POLB: variants seen among roughly 807,000 people sequenced by gnomAD.
The protein encoded by POLB is 5'-dRP lyase.
A neutral mutation model predicts 52.7 loss-of-function variants in POLB; 37 were observed. The observed-to-expected ratio is 0.70, with a 90% CI of 0.54 to 0.92. The LOEUF (loss-of-function observed/expected upper bound fraction) is 0.92, where lower values mean the gene tolerates loss of function less well. Ranked by LOEUF, POLB falls within the 40% of genes least tolerant of loss-of-function variation. POLB has a pLI of 0.00. For missense variants in POLB, 313 were observed against 400.8 expected, an observed-to-expected ratio of 0.78 and a Z score of 1.87; for synonymous variants, 138 against 131.3, an observed-to-expected ratio of 1.05 and a Z score of -0.35.
chr8:42,369,385 C>A, intron 12 of POLB, 50 bp downstream of exon 12: 4 of 1,032,292 alleles, frequency 3.9e-6, no homozygotes, highest in Non-Finnish European at 6.1e-6. Flanking sequence ...AAACTTGTCT[C>A]GTTTTCTCCC....
At chr8:42,360,166 A>T (rs895413367) in intron 9 of POLB, among the ~76,000 whole-genome samples, 2 of 150,852 alleles carry the variant, frequency 1.3e-5, no homozygotes. Context: ...CATGTTGGCC[A>T]GGCTGGTCTT....
intron 3 of POLB, among the ~76,000 whole-genome samples, chr8:42,348,188 T>C (rs1231949741): frequency 6.6e-6 from 1 of 152,170 alleles, no homozygotes; most frequent in Non-Finnish European, 1.5e-5. Flanking sequence ...AGGAAGGTAA[T>C]AGAGATATGT....
chr8:42,350,226 C>T (rs1822891743), intron 5 of POLB, among the ~76,000 whole-genome samples, 161 bp downstream of exon 5: 1 of 152,174 alleles, frequency 6.6e-6, no homozygotes, highest in South Asian at 2.1e-4. Flanking sequence ...GCCGATTCTT[C>T]AGATAGTGTC....
intron 9 of POLB, among the ~76,000 whole-genome samples, chr8:42,358,391 C>A (rs1027478183): frequency 2.6e-5 from 4 of 151,792 alleles, no homozygotes; most frequent in African/African-American, 9.7e-5. Flanking sequence ...AGTCCCAGCT[C>A]CTCGGGCGGC....
At chr8:42,341,614 A>G (rs187498241) in intron 2 of POLB, among the ~76,000 whole-genome samples, 3 of 152,328 alleles carry the variant, frequency 2.0e-5, no homozygotes, top group South Asian at 2.1e-4. Context: ...GGTGTATCCA[A>G]TCTGTCACCA....
intron 2 of POLB, among the ~76,000 whole-genome samples, chr8:42,343,810 A>T (rs1198510492): frequency 3.9e-5 from 6 of 152,136 alleles, no homozygotes; most frequent in Non-Finnish European, 8.8e-5. Flanking sequence ...AGTTATTCTC[A>T]AATGTGGAGC....
chr8:42,349,993 T>C lies in POLB; in HGVS notation c.262-14T>C. 1 of 1,586,128 alleles carries C rather than the reference T, an allele frequency of 6.3e-7. No homozygotes were observed. Among genetic ancestry groups the C allele is most frequent in the Non-Finnish European group, 8.7e-7 (1 of 1,154,870 alleles). ...CATTCCTAAATCATTGTTAGACTTTTTTTTTTCTTAAAGATTCGGCAGGAT... is the reference window on the plus strand; with the variant it reads ...CATTCCTAAATCATTGTTAGACTTTCTTTTTTCTTAAAGATTCGGCAGGAT... On this transcript the variant is annotated splice_polypyrimidine_tract_variant and intron_variant, in intron 4 of 13. Transcript: ENST00000265421.
intron 5 of POLB, among the ~76,000 whole-genome samples, chr8:42,352,263 A>G (rs1823022157): frequency 6.6e-6 from 1 of 152,224 alleles, no homozygotes; most frequent in Non-Finnish European, 1.5e-5. Flanking sequence ...ACAGTTTTCA[A>G]GTGCCATCTG....
chr8:42,369,246 A>G lies in POLB; in HGVS notation c.709-25A>G, dbSNP rs751255716. ...AGCCTTAAGTTTAGAACATCTTTAA[A>G]CTTGGTTTAAAATGTTCATTTTAGG... On this transcript the variant is annotated intron_variant, in intron 11 of 13. Coordinates refer to ENST00000265421, the MANE Select transcript of POLB (RefSeq NM_002690.3). 4 of 1,424,038 alleles carry G rather than the reference A, an allele frequency of 2.8e-6. No individual in the cohort carries two copies. The Admixed American group carries it at 7.0e-5, about 25-fold the overall frequency. The allele number at this position is 1,424,038 out of a possible 1,614,324, so 88.2% of individuals were successfully genotyped here.
intron 1 of POLB, 100 bp from the exon 2 acceptor site, chr8:42,338,912 G>T: frequency 1.8e-6 from 2 of 1,085,094 alleles, no homozygotes; most frequent in South Asian, 1.3e-5. Context: ...GGAAACGGGT[G>T]GTCACTGTCT....
chr8:42,353,405 GC>G (rs1016741128), intron 6 of POLB, among the ~76,000 whole-genome samples: 1 of 151,578 alleles, frequency 6.6e-6, no homozygotes, highest in Non-Finnish European at 1.5e-5. Context: ...ACCGCGCCTG[GC>G]CCCCTTTATT....
intron 2 of POLB, among the ~76,000 whole-genome samples, chr8:42,343,601 C>G (rs947669761): frequency 2.3e-5 from 3 of 132,316 alleles, no homozygotes; most frequent in Non-Finnish European, 3.3e-5. Flanking sequence ...AAGTTATGAA[C>G]AATTTCTAAA....
At chr8:42,361,204 T>G in intron 9 of POLB, 91 bp from the exon 10 acceptor site, 1 of 849,876 alleles carries the variant, frequency 1.2e-6, no homozygotes, top group South Asian at 1.4e-5. Context: ...CTGTAAGAAG[T>G]AAGGCTCTTC....
intron 4 of POLB, chr8:42,349,321 T>C: frequency 2.8e-6 from 1 of 357,892 alleles, no homozygotes. Flanking sequence ...CTCATCGTTT[T>C]CAGTACTATT....
At chr8:42,364,202 C>A (rs1475254254) in intron 11 of POLB, among the ~76,000 whole-genome samples, 1 of 152,106 alleles carries the variant, frequency 6.6e-6, no homozygotes, top group Non-Finnish European at 1.5e-5. Flanking sequence ...ACTGGGATTG[C>A]AGGCATGAAC....
intron 2 of POLB, chr8:42,339,947 A>G (rs983932139): frequency 6.6e-6 from 1 of 152,174 alleles, no homozygotes; most frequent in African/African-American, 2.4e-5. Context: ...CCCTCTAGCT[A>G]GCACCTTCCC....
At chr8:42,356,849 G>C (rs1279845568) in intron 7 of POLB, among the ~76,000 whole-genome samples, 1 of 152,136 alleles carries the variant, frequency 6.6e-6, no homozygotes, top group Admixed American at 6.5e-5. Context: ...AGTTTACTTT[G>C]AAAATAATGC....
At chr8:42,340,914 T>C (rs1822161899) in intron 2 of POLB, among the ~76,000 whole-genome samples, 2 of 152,198 alleles carry the variant, frequency 1.3e-5, no homozygotes, top group African/African-American at 4.8e-5. Flanking sequence ...ACAGCAGGTC[T>C]CAGAAAGGAG....
chr8:42,354,486 G>A (rs774452205), intron 6 of POLB: 2 of 1,270,572 alleles, frequency 1.6e-6, no homozygotes, highest in South Asian at 2.5e-5. Context: ...GACTTAATAT[G>A]GGATGTTATG....
Sources: allele counts gnomAD v4.1 joint callset (sites outside exome capture counted in the v4.1 genomes callset), GRCh38; gene constraint gnomAD v4.1.1; transcripts MANE v1.5; gene names NCBI Gene and HGNC (gene_info 2026-07-23, HGNC 2026-07-21).